Variants in INTS3 observed in about 807,000 individuals in gnomAD.
INTS3 encodes SOSS complex subunit A.
In INTS3, 34 loss-of-function variants were observed where a neutral mutation model predicts 146.3. The observed-to-expected ratio is 0.23, with a 90% CI of 0.18 to 0.31. The LOEUF (loss-of-function observed/expected upper bound fraction) is 0.31, where lower values mean the gene tolerates loss of function less well. Ranked by LOEUF, INTS3 falls within the 10% of genes least tolerant of loss-of-function variation. The probability of loss-of-function intolerance (pLI) is 1.00; values close to 1 mark genes in which losing one functional copy is unlikely to be tolerated. For missense variants in INTS3, 757 were observed against 1,304.2 expected (o/e 0.58, Z 6.46); for synonymous variants, 475 against 494.9 (o/e 0.96, Z 0.53).
At position 153,772,820 on chromosome 1, in the gene INTS3, G is replaced by T. The variant is rs1672957741; in HGVS notation, c.2895-105G>T. 1 of 1,584,550 alleles carries T rather than the reference G, an allele frequency of 6.3e-7. No individual in the cohort carries two copies. On this transcript the variant is annotated intron_variant, in intron 28 of 29. Coordinates refer to ENST00000318967, the MANE Select transcript of INTS3 (RefSeq NM_023015.5). This position sits in a 1 kb window ranked among gnomAD's most constrained non-coding sequence, Gnocchi z 4.6. ...ATGGCCAGCAAGACCTTAGGGTCCA[G>T]GGTTGAAGAAAAAGAAGGCCTAGGC... is the stretch of plus-strand genomic sequence containing the variant.
chr1:153,772,664 G>C lies in INTS3; in HGVS notation c.2847G>C (p.Gln949His), dbSNP rs769124803. 1.2e-6 allele frequency: 2 copies of C among 1,614,084 alleles called. No individual in the cohort carries two copies. The highest frequency in any genetic ancestry group is 1.7e-5 in the Admixed American group (1 of 60,006). The part of the protein sequence containing the change: ...QNFFSQTPIL[Q>H]ALQHVQASCD... ...TTTTTAGCCAGACGCCAATTCTCCAGGCGCTGCAGCATGTCCAAGCGAGCT... is the reference window on the plus strand; with the variant it reads ...TTTTTAGCCAGACGCCAATTCTCCACGCGCTGCAGCATGTCCAAGCGAGCT... Residue 949 changes from glutamine (Q) to histidine (H), a missense_variant, in exon 28 of 30, where the codon CAG (glutamine) becomes CAC (histidine). Gln to His is a conservative substitution (Grantham distance 24, BLOSUM62 0). Transcript: ENST00000318967. This position sits in a 1 kb window ranked among gnomAD's most constrained non-coding sequence, Gnocchi z 4.6.
chr1:153,760,985 G>A, intron 13 of INTS3, 67 bp downstream of exon 13: 2 of 1,584,470 alleles, frequency 1.3e-6, no homozygotes, highest in Non-Finnish European at 8.7e-7. Flanking sequence ...GTATCCAAAT[G>A]TTGCCATAGC....
At position 153,741,410 on chromosome 1, in the gene INTS3, T is replaced by C. The variant is rs1429009470; in HGVS notation, c.318+42T>C. On this transcript the variant is annotated intron_variant, in intron 3 of 29. Coordinates refer to ENST00000318967, the MANE Select transcript of INTS3 (RefSeq NM_023015.5). ...TGGACCCATAAACCCTCCTCATATATGATCTGGGATATGGTGGAACTTACA... is the reference window on the plus strand; with the variant it reads ...TGGACCCATAAACCCTCCTCATATACGATCTGGGATATGGTGGAACTTACA... 3 of 1,372,236 alleles carry C rather than the reference T, an allele frequency of 2.2e-6. No individual in the cohort carries two copies. In the Admixed American group the frequency reaches 5.0e-5, roughly 23 times the overall value. The allele number at this position is 1,372,236 out of a possible 1,614,324, so 85.0% of individuals were successfully genotyped here.
In INTS3 at chr1:153,759,438, A is replaced by G. The variant is rs1156858536; in HGVS notation, c.1150-88A>G. 11 of 868,728 alleles carry G rather than the reference A, an allele frequency of 1.3e-5. No homozygotes were observed. In the East Asian group the frequency reaches 2.2e-4, roughly 17 times the overall value. The allele number at this position is 868,728 out of a possible 1,614,324, so 53.8% of individuals were successfully genotyped here. The stretch of plus-strand genomic sequence containing the variant: ...CTGAATTTCATAGATGAAACAGCCA[A>G]GTGGGGCCTGGAATCTGTCTTGGGA... On this transcript the variant is annotated intron_variant, in intron 10 of 29. Coordinates refer to ENST00000318967, the MANE Select transcript of INTS3 (RefSeq NM_023015.5).
At chr1:153,773,136 C>G (rs972701355) in intron 29 of INTS3, 55 bp downstream of exon 29, 1 of 1,613,500 alleles carries the variant, frequency 6.2e-7, no homozygotes, top group Non-Finnish European at 8.5e-7. Flanking sequence ...CAGGTGGAGT[C>G]GGCGCCAGCA....
In INTS3 at chr1:153,772,095, A is replaced by G. The variant is rs1381966183; in HGVS notation, c.2720+132A>G. 5.7e-6 allele frequency: 6 copies of G among 1,052,584 alleles called. No homozygotes were observed. The highest frequency in any genetic ancestry group is 6.8e-6 in the Non-Finnish European group (5 of 734,518). The allele number at this position is 1,052,584 out of a possible 1,614,324, so 65.2% of individuals were successfully genotyped here. ...CCAGCCTGGTTTGTGGGCGACATCT[A>G]GTGGTCCGAAGCCACATGGCATGCG... On this transcript the variant is annotated intron_variant, in intron 26 of 29. Transcript: ENST00000318967. The surrounding 1 kb of genome is among the most constrained non-coding windows in gnomAD (Gnocchi z 4.6).
intron 1 of INTS3, among the ~76,000 whole-genome samples, chr1:153,740,426 C>G (rs952736432): frequency 1.3e-5 from 2 of 152,172 alleles, no homozygotes; most frequent in Non-Finnish European, 2.9e-5. Flanking sequence ...ATGGGTTTCC[C>G]TCACTTTTTT....
At position 153,757,425 on chromosome 1, in the gene INTS3, A is replaced by G; in HGVS notation, c.958-147A>G. The G allele has an allele frequency of 3.4e-6, 2 of 586,244 alleles. No individual in the cohort carries two copies. The highest frequency in any genetic ancestry group is 3.0e-6 in the Non-Finnish European group (1 of 338,816). The allele number at this position is 586,244 out of a possible 1,614,324, so 36.3% of individuals were successfully genotyped here. ...TCAAGAAGTTCTCCTAAAGGAGGGG[A>G]GACTTACGAGACAGTATGAGCTAAT... On this transcript the variant is annotated intron_variant, in intron 9 of 29. Coordinates refer to ENST00000318967, the MANE Select transcript of INTS3 (RefSeq NM_023015.5). This position sits in a 1 kb window ranked among gnomAD's most constrained non-coding sequence, Gnocchi z 4.0.
chr1:153,750,822 A>C, intron 6 of INTS3: 4 of 442,522 alleles, frequency 9.0e-6, no homozygotes, highest in Non-Finnish European at 1.6e-5. Context: ...CTTGGAAGCT[A>C]AGTAGTTAGG....
chr1:153,770,850 T>C (rs1405069115), intron 25 of INTS3, 117 bp downstream of exon 25: 2 of 773,472 alleles, frequency 2.6e-6, no homozygotes, highest in Non-Finnish European at 4.5e-6. Context: ...CGTTAACATC[T>C]GCTTATTCTG....
At chr1:153,745,376 C>T (rs932973051) in intron 3 of INTS3, among the ~76,000 whole-genome samples, 1 of 151,772 alleles carries the variant, frequency 6.6e-6, no homozygotes, top group South Asian at 2.1e-4. Context: ...AGGGTGGTCT[C>T]GAACTCCTGA....
In INTS3 at chr1:153,757,999, C is replaced by T. The variant is rs1029957023; in HGVS notation, c.1149+236C>T. ...TCATCTCCCCCATTACTGCCAACCCCCAAAAGCCTGGGTTTCTGGAGCGTC... is the reference window on the plus strand; with the variant it reads ...TCATCTCCCCCATTACTGCCAACCCTCAAAAGCCTGGGTTTCTGGAGCGTC... On this transcript the variant is annotated intron_variant, in intron 10 of 29. Coordinates refer to ENST00000318967, the MANE Select transcript of INTS3 (RefSeq NM_023015.5). The surrounding 1 kb of genome is among the most constrained non-coding windows in gnomAD (Gnocchi z 4.0). 6.6e-6 allele frequency among the ~76,000 whole-genome samples: 1 copy of T among 152,140 alleles called. No individual in the cohort carries two copies. The highest frequency in any genetic ancestry group is 1.5e-5 in the Non-Finnish European group (1 of 68,034).
rs138528793 is a variant in INTS3, at chr1:153,767,552, G to A, written c.2091-122G>A. 1,088 of 976,680 alleles carry A rather than the reference G, an allele frequency of 1.1e-3. 5 individuals are homozygous for A. The African/African-American group carries it at 0.014, about 13-fold the overall frequency. 60.5% of individuals were successfully genotyped at this position (976,680 alleles called of 1,614,324 possible). On this transcript the variant is annotated intron_variant, in intron 20 of 29. Coordinates refer to ENST00000318967, the MANE Select transcript of INTS3 (RefSeq NM_023015.5). ...TGGGAGGCAGTTGGGAGGGACATGA[G>A]GCAGATTAGCACAGGGCATCTGGAG...
At chr1:153,740,610 G>A (rs758861418) in intron 1 of INTS3, 41 bp from the exon 2 acceptor site, 1 of 1,443,104 alleles carries the variant, frequency 6.9e-7, no homozygotes, top group Non-Finnish European at 9.8e-7. Context: ...TTCCTAAGTG[G>A]TGTTATGACA....
At chr1:153,737,355 A>G (rs1325239944) in intron 1 of INTS3, among the ~76,000 whole-genome samples, 2 of 152,226 alleles carry the variant, frequency 1.3e-5, no homozygotes, top group Admixed American at 6.5e-5. Flanking sequence ...TTTTGTCAGT[A>G]TCTTACCAAT....
chr1:153,758,441 G>T (rs1387829327), intron 10 of INTS3, among the ~76,000 whole-genome samples: 1 of 152,200 alleles, frequency 6.6e-6, no homozygotes, highest in Admixed American at 6.5e-5. Context: ...TCAGCTCAGG[G>T]GTGATGAGTG....
Position 153,764,706 on chromosome 1 carries a change from G to A in INTS3, c.1942G>A (p.Val648Ile). 6.2e-7 allele frequency: 1 copy of A among 1,609,696 alleles called. No homozygotes were observed. Among genetic ancestry groups the A allele is most frequent in the Non-Finnish European group, 8.5e-7 (1 of 1,176,016 alleles). The change falls in exon 19 of 30, where the codon GTA becomes ATA. Residue 648 changes from valine (V) to isoleucine (I), a missense_variant. Val to Ile is a conservative substitution (Grantham distance 29). This residue lies in a region of INTS3 where 89 missense variants were observed against 210.9 expected (regional missense o/e 0.42). Coordinates refer to ENST00000318967, the MANE Select transcript of INTS3 (RefSeq NM_023015.5). Reference sequence around the variant, plus strand: ...TTCTTGTAGGTCCCTGGAGGAGTCTGTAGGAAAGCCTCTGTACCTAATATT... The same window carrying A: ...TTCTTGTAGGTCCCTGGAGGAGTCTATAGGAAAGCCTCTGTACCTAATATT... ...EITEESLEES[V>I]GKPLYLIFRN...
At position 153,728,060 on chromosome 1, in the gene INTS3, C is replaced by G. The variant is rs1670910436; in HGVS notation, c.-575C>G. 5.5e-6 allele frequency: 1 copy of G among 180,830 alleles called. No individual in the cohort carries two copies. Among genetic ancestry groups the G allele is most frequent in the Admixed American group, 6.7e-5 (1 of 14,968 alleles). The allele number at this position is 180,830 out of a possible 1,614,324, so 11.2% of individuals were successfully genotyped here. On this transcript the variant is annotated 5_prime_UTR_variant, in exon 1 of 30. Transcript: ENST00000318967. ...CCTCCCCCGCCCTCCGCCTTCCCAC[C>G]CCCCGCCCTTCCACTATGGCCGCTT...
chr1:153,733,998 G>C (rs1335622524), intron 1 of INTS3, among the ~76,000 whole-genome samples: 1 of 152,090 alleles, frequency 6.6e-6, no homozygotes, highest in Non-Finnish European at 1.5e-5. Context: ...TCCAGCTTTG[G>C]GTATATACTG....
Sources: allele counts gnomAD v4.1 joint callset (sites outside exome capture counted in the v4.1 genomes callset), GRCh38; gene constraint gnomAD v4.1.1; regional missense constraint gnomAD v4.1.1; non-coding constraint Gnocchi (gnomAD v3.1); transcripts MANE v1.5; gene names NCBI Gene and HGNC (gene_info 2026-07-23, HGNC 2026-07-21).